ADAM7: variants seen among roughly 807,000 people sequenced by gnomAD.
The protein encoded by ADAM7 is ADAM metallopeptidase domain 7.
Under a neutral mutation model 102.9 loss-of-function variants are expected in ADAM7, and 97 were observed. The observed-to-expected ratio is 0.94, with a 90% CI of 0.80 to 1.12. ADAM7 has a LOEUF of 1.12. Ranked by LOEUF, ADAM7 falls within the 50% of genes most tolerant of loss-of-function variation. The pLI, the probability that ADAM7 is intolerant of heterozygous loss-of-function variation, is 0.00. For synonymous variants in ADAM7, 334 were observed against 304.4 expected, an observed-to-expected ratio of 1.10 and a Z score of -1.01; for missense variants, 991 against 908.7, an observed-to-expected ratio of 1.09 and a Z score of -1.16.
At chr8:24,501,768 T>C (rs1452719170) in intron 20 of ADAM7, among the ~76,000 whole-genome samples, 192 bp downstream of exon 20, 1 of 151,970 alleles carries the variant, frequency 6.6e-6, no homozygotes, top group African/African-American at 2.4e-5. Flanking sequence ...TCAAAACAGA[T>C]ATGGAACAAT....
At chr8:24,508,005 C>T (rs1004540857) in intron 21 of ADAM7, among the ~76,000 whole-genome samples, 1 of 152,010 alleles carries the variant, frequency 6.6e-6, no homozygotes, top group Non-Finnish European at 1.5e-5. Context: ...CTTAGTATGT[C>T]TATATTAGAA....
intron 7 of ADAM7, among the ~76,000 whole-genome samples, chr8:24,475,289 G>A (rs568252602): frequency 6.6e-6 from 1 of 152,238 alleles, no homozygotes; most frequent in Non-Finnish European, 1.5e-5. Context: ...GTGAATTTTA[G>A]GCAGTGAATT....
intron 2 of ADAM7, among the ~76,000 whole-genome samples, chr8:24,445,912 C>G (rs1006278814): frequency 1.2e-4 from 19 of 152,192 alleles, no homozygotes; most frequent in Admixed American, 7.9e-4. Context: ...CTGCCCCTGA[C>G]TTCTCCTTGT....
Position 24,460,846 on chromosome 8 carries a change from T to C in ADAM7, c.234-3036T>C, listed in dbSNP as rs141006942. The stretch of plus-strand genomic sequence containing the variant: ...TTTATATGTATCTTATGTGAAAATA[T>C]GTTTTAGTTTATTCATTTATCACTT... On this transcript the variant is annotated intron_variant, in intron 3 of 21. Transcript: ENST00000175238. 8.7e-3 allele frequency among the ~76,000 whole-genome samples: 1,324 copies of C among 151,950 alleles called. 20 individuals carry two copies. The highest frequency in any genetic ancestry group is 0.03 in the African/African-American group (1,260 of 41,386).
At chr8:24,456,466 T>C (rs1346970047) in intron 3 of ADAM7, among the ~76,000 whole-genome samples, 1 of 152,180 alleles carries the variant, frequency 6.6e-6, no homozygotes, top group Non-Finnish European at 1.5e-5. Flanking sequence ...CACATAGTGA[T>C]TCCAAATCTT....
intron 17 of ADAM7, among the ~76,000 whole-genome samples, 177 bp from the exon 18 acceptor site, chr8:24,500,001 T>C (rs1820699653): frequency 6.6e-6 from 1 of 152,202 alleles, no homozygotes; most frequent in African/African-American, 2.4e-5. Flanking sequence ...TCTTGTATTT[T>C]GTTTACTTAT....
rs929102274 is a variant in ADAM7 at position 24,491,807 on chromosome 8, C to A, written c.1357-96C>A. ...AGGAAGCTATGATCCATCCTTAAAA[C>A]CTTTTTTGGATGAATGGGTCAACTT... On this transcript the variant is annotated intron_variant, in intron 13 of 21. Coordinates refer to ENST00000175238, the MANE Select transcript of ADAM7 (RefSeq NM_003817.4). 4.9e-5 allele frequency: 51 copies of A among 1,046,316 alleles called. No homozygotes were observed. In the African/African-American group the frequency reaches 7.2e-4, roughly 15 times the overall value. The allele number at this position is 1,046,316 out of a possible 1,614,324, so 64.8% of individuals were successfully genotyped here.
intron 3 of ADAM7, among the ~76,000 whole-genome samples, chr8:24,459,922 C>A (rs958862550): frequency 1.2e-4 from 18 of 152,046 alleles, no homozygotes; most frequent in African/African-American, 4.3e-4. Context: ...ATATTGAAGT[C>A]ATAGCATTTC....
intron 16 of ADAM7, among the ~76,000 whole-genome samples, chr8:24,496,299 A>C (rs979102903): frequency 1.3e-5 from 2 of 152,214 alleles, no homozygotes; most frequent in African/African-American, 4.8e-5. Context: ...CCCAGGTAAA[A>C]GTTTGCTGCA....
intron 8 of ADAM7, among the ~76,000 whole-genome samples, chr8:24,481,747 T>C (rs1330966077): frequency 6.6e-6 from 1 of 152,178 alleles, no homozygotes; most frequent in African/African-American, 2.4e-5. Context: ...TGCCACAGAA[T>C]GAACACTTGG....
intron 6 of ADAM7, 72 bp downstream of exon 6, chr8:24,467,060 G>T: frequency 7.2e-7 from 1 of 1,396,032 alleles, no homozygotes; most frequent in Non-Finnish European, 1.0e-6. Flanking sequence ...TAGGGATAAA[G>T]TATGAGTCCA....
At chr8:24,500,350 GT>G (rs1820715754) in intron 18 of ADAM7, 94 bp downstream of exon 18, 1 of 1,142,384 alleles carries the variant, frequency 8.8e-7, no homozygotes, top group Non-Finnish European at 1.3e-6. Context: ...TATTTGCTGT[GT>G]TTTGATATGG....
rs199741073 is a variant in ADAM7, at chr8:24,487,566, CG to C, written c.1091+251del. Among the ~76,000 whole-genome samples the C allele has an allele frequency of 2.0e-5, 3 of 149,412 alleles. No homozygotes were observed. The East Asian group carries it at 5.9e-4, about 30-fold the overall frequency. ...AGGAGAATTGCTTGAATTCGGGAGG[CG>C]GAGGTTGCCGTGAGCCGAGATCATG... On this transcript the variant is annotated intron_variant, in intron 11 of 21. Transcript: ENST00000175238.
rs1416618076 is a variant in ADAM7 at position 24,466,931 on chromosome 8, T to G, written c.522T>G (p.Asn174Lys). 6.2e-7 allele frequency: 1 copy of G among 1,614,020 alleles called. No individual in the cohort carries two copies. The highest frequency in any genetic ancestry group is 8.5e-7 in the Non-Finnish European group (1 of 1,179,954). Residue 174 changes from asparagine to lysine, a missense_variant, in exon 6 of 22, where the codon AAT becomes AAG. By Grantham distance (94) the Asn-to-Lys change is moderately conservative. Transcript: ENST00000175238. ...YGANYSCTEL[N>K]FTRKTVPGDN... ...CCAATTATTCCTGTACAGAGCTTAA[T>G]TTTACCAGAAAAACTGTTCCAGGGG...
At chr8:24,475,314 T>C (rs1819731598) in intron 7 of ADAM7, among the ~76,000 whole-genome samples, 1 of 152,176 alleles carries the variant, frequency 6.6e-6, no homozygotes, top group Non-Finnish European at 1.5e-5. Context: ...GTAATTTTTA[T>C]CAATCAATCA....
intron 3 of ADAM7, among the ~76,000 whole-genome samples, chr8:24,461,070 G>A (rs1367164927): frequency 6.6e-6 from 1 of 152,000 alleles, no homozygotes; most frequent in African/African-American, 2.4e-5. Flanking sequence ...CCAATTTTCT[G>A]TATGCTCCAC....
Position 24,493,131 on chromosome 8 carries a change from C to A in ADAM7, c.1744C>A (p.Gln582Lys). 6.2e-7 allele frequency: 1 copy of A among 1,613,408 alleles called. No homozygotes were observed. Among genetic ancestry groups the A allele is most frequent in the Non-Finnish European group, 8.5e-7 (1 of 1,179,652 alleles). The stretch of plus-strand genomic sequence containing the variant: ...CAAGACTTATCACCTTAAGGATCCC[C>A]AGAAGAATGCTACTGTCAAATGCAA... ...EDKTYHLKDPQKNATVKCKTI... is the reference protein window; with the variant it reads ...EDKTYHLKDPKKNATVKCKTI... The change falls in exon 16 of 22, where the codon CAG becomes AAG. Residue 582 changes from glutamine to lysine, a missense_variant. Transcript: ENST00000175238.
At chr8:24,459,388 G>T (rs578195187) in intron 3 of ADAM7, among the ~76,000 whole-genome samples, 1 of 151,908 alleles carries the variant, frequency 6.6e-6, no homozygotes, top group East Asian at 1.9e-4. Flanking sequence ...GGTAATTTGG[G>T]TTCTTCTTAT....
intron 8 of ADAM7, 43 bp from the exon 9 acceptor site, chr8:24,482,099 C>T (rs775285246): frequency 3.5e-6 from 5 of 1,434,034 alleles, no homozygotes; most frequent in Non-Finnish European, 4.7e-6. Flanking sequence ...AAGACTGTTT[C>T]CAGCAACTTG....
Sources: gnomAD v4.1 joint callset for allele counts (sites outside exome capture counted in the v4.1 genomes callset) on GRCh38, gnomAD v4.1.1 for gene constraint, MANE v1.5 for transcripts, NCBI Gene and HGNC (gene_info 2026-07-23, HGNC 2026-07-21) for gene names.